The following ITGA9 variants were observed in gnomAD, a reference collection of about 807,000 sequenced individuals.
The protein encoded by ITGA9 is integrin alpha-9.
Under a neutral mutation model 127.8 loss-of-function variants are expected in ITGA9, and 56 were observed. That is an observed-to-expected ratio of 0.44 (90% CI 0.35 to 0.55). The LOEUF is 0.55. Among genes scored for constraint, ITGA9 ranks in the 20% least tolerant of loss-of-function variants. The pLI is 0.00. For missense variants in ITGA9, 1,196 were observed against 1,347.1 expected, an observed-to-expected ratio of 0.89 and a Z score of 1.76; for synonymous variants, 508 against 514.5, an observed-to-expected ratio of 0.99 and a Z score of 0.17.
chr3:37,704,516 A>G (rs1203159031), intron 18 of ITGA9, among the ~76,000 whole-genome samples: 3 of 152,234 alleles, frequency 2.0e-5, no homozygotes, highest in African/African-American at 7.2e-5. Flanking sequence ...CCCGTTGAGC[A>G]CTGAACGACT....
chr3:37,797,085 T>C (rs1267810028), intron 26 of ITGA9, among the ~76,000 whole-genome samples: 3 of 152,014 alleles, frequency 2.0e-5, no homozygotes, highest in African/African-American at 4.8e-5. Flanking sequence ...TGCAGAACTT[T>C]GGGAGGCTGA....
chr3:37,701,393 C>G (rs1196491363), intron 18 of ITGA9, among the ~76,000 whole-genome samples: 1 of 152,116 alleles, frequency 6.6e-6, no homozygotes, highest in East Asian at 1.9e-4. Flanking sequence ...GGAAGTGAGA[C>G]AGAGAAAAGA....
chr3:37,452,675 T>C lies in ITGA9; in HGVS notation c.185+116T>C. On this transcript the variant is annotated intron_variant, in intron 1 of 27. Transcript: ENST00000264741. The surrounding 1 kb of genome is among the most constrained non-coding windows in gnomAD (Gnocchi z 7.3). Reference sequence around the variant, plus strand: ...CACGCCGCCGTCCCGAGGGGGCGATTTAAATGTCTCCGTTGCGCGCGGCTC... The same window carrying C: ...CACGCCGCCGTCCCGAGGGGGCGATCTAAATGTCTCCGTTGCGCGCGGCTC... The C allele has an allele frequency of 1.1e-6, 1 of 926,122 alleles. No homozygotes were observed. Among genetic ancestry groups the C allele is most frequent in the Non-Finnish European group, 1.5e-6 (1 of 676,840 alleles). The allele number at this position is 926,122 out of a possible 1,614,324, so 57.4% of individuals were successfully genotyped here.
chr3:37,502,168 C>G (rs1178553656), intron 5 of ITGA9, among the ~76,000 whole-genome samples: 1 of 151,174 alleles, frequency 6.6e-6, no homozygotes, highest in Non-Finnish European at 1.5e-5. Context: ...CCATTTCCCC[C>G]TGATCTAAAT....
intron 23 of ITGA9, among the ~76,000 whole-genome samples, chr3:37,769,695 T>C (rs1291688073): frequency 6.6e-6 from 1 of 152,216 alleles, no homozygotes; most frequent in African/African-American, 2.4e-5. Context: ...CTGGAATTCC[T>C]TTCTCCCTCC....
chr3:37,546,579 G>A (rs965542461), intron 15 of ITGA9, among the ~76,000 whole-genome samples: 7 of 152,222 alleles, frequency 4.6e-5, no homozygotes, highest in Non-Finnish European at 1.0e-4. Context: ...TACTGTCCTA[G>A]GCCCTGGGGA....
At chr3:37,670,681 C>T (rs1419841755) in intron 17 of ITGA9, among the ~76,000 whole-genome samples, 2 of 152,150 alleles carry the variant, frequency 1.3e-5, no homozygotes. Context: ...TTAGATTTAC[C>T]TCCAGATCTT....
At position 37,473,313 on chromosome 3, in the gene ITGA9, C is replaced by T. The variant is rs779731747; in HGVS notation, c.314-41C>T. ...CCTTTGAAAGCAGCCAGCAGAACAT[C>T]ACTCCTCAACCCAAGTCTGGCTCTT... On this transcript the variant is annotated intron_variant, in intron 2 of 27. Coordinates refer to ENST00000264741, the MANE Select transcript of ITGA9 (RefSeq NM_002207.3). The T allele has an allele frequency of 5.9e-6, 9 of 1,521,866 alleles. No homozygotes were observed. The Admixed American group carries it at 1.5e-4, about 25-fold the overall frequency. 94.3% of individuals were successfully genotyped at this position (1,521,866 alleles called of 1,614,324 possible).
Position 37,452,640 on chromosome 3 carries a change from C to A in ITGA9, c.185+81C>A. On this transcript the variant is annotated intron_variant, in intron 1 of 27. Transcript: ENST00000264741. The surrounding 1 kb of genome is among the most constrained non-coding windows in gnomAD (Gnocchi z 7.3). ...CAGGCCAGCGCCGCCGCCGCCTTTC[C>A]GGTCTCTTCCACGCCGCCGTCCCGA... The A allele has an allele frequency of 8.0e-7, 1 of 1,247,546 alleles. No individual in the cohort carries two copies. 77.3% of individuals were successfully genotyped at this position (1,247,546 alleles called of 1,614,324 possible). A position where few individuals can be genotyped will look rare whatever the true frequency, so the allele number is the denominator to read the frequency against.
chr3:37,578,942 G>A (rs545412769), intron 15 of ITGA9, among the ~76,000 whole-genome samples: 12 of 152,172 alleles, frequency 7.9e-5, no homozygotes, highest in African/African-American at 2.9e-4. Context: ...AGGGAGAAGA[G>A]GAAGAAGCCA....
intron 15 of ITGA9, among the ~76,000 whole-genome samples, chr3:37,607,854 G>T (rs541663445): frequency 2.1e-4 from 32 of 152,248 alleles, no homozygotes; most frequent in Middle Eastern, 6.8e-3. Context: ...TGATAGATGT[G>T]GTCCTGCAAA....
At chr3:37,564,142 G>T (rs9862843) in intron 15 of ITGA9, among the ~76,000 whole-genome samples, 1 of 152,280 alleles carries the variant, frequency 6.6e-6, no homozygotes, top group African/African-American at 2.4e-5. Flanking sequence ...AAATGTACTT[G>T]ACCACGGAAC....
At chr3:37,748,240 G>A in intron 22 of ITGA9, 1 of 480,168 alleles carries the variant, frequency 2.1e-6, no homozygotes, top group South Asian at 1.7e-5. Flanking sequence ...AGACATCAAG[G>A]GAATGGGTAC....
chr3:37,507,748 C>T (rs1007130624), intron 7 of ITGA9, among the ~76,000 whole-genome samples: 1 of 152,228 alleles, frequency 6.6e-6, no homozygotes, highest in East Asian at 1.9e-4. Context: ...CCCAAGGACC[C>T]CTGGCCTTCA....
intron 16 of ITGA9, among the ~76,000 whole-genome samples, chr3:37,653,166 C>T (rs1215092047): frequency 6.6e-6 from 1 of 152,228 alleles, no homozygotes; most frequent in Non-Finnish European, 1.5e-5. Flanking sequence ...GAAAGAATCT[C>T]CCCCAGTCTG....
At chr3:37,502,624 T>C (rs1258248841) in intron 5 of ITGA9, among the ~76,000 whole-genome samples, 1 of 152,178 alleles carries the variant, frequency 6.6e-6, no homozygotes, top group Admixed American at 6.5e-5. Context: ...TGTTCTTCCA[T>C]GTTTGCAGTG....
At chr3:37,473,909 A>G (rs1362709439) in intron 3 of ITGA9, among the ~76,000 whole-genome samples, 1 of 152,206 alleles carries the variant, frequency 6.6e-6, no homozygotes, top group Non-Finnish European at 1.5e-5. Flanking sequence ...GACAAACCAC[A>G]GCTGTGATTT....
At chr3:37,608,621 A>G (rs1473672914) in intron 15 of ITGA9, among the ~76,000 whole-genome samples, 11 of 152,210 alleles carry the variant, frequency 7.2e-5, no homozygotes, top group African/African-American at 2.4e-4. Flanking sequence ...CTCAGTACAA[A>G]TCGTGCTGTG....
At chr3:37,645,585 A>G (rs1021044803) in intron 16 of ITGA9, among the ~76,000 whole-genome samples, 1 of 152,124 alleles carries the variant, frequency 6.6e-6, no homozygotes, top group African/African-American at 2.4e-5. Flanking sequence ...CATTGATCAA[A>G]TCAGCTTAAA....
Sources: allele counts gnomAD v4.1 joint callset (sites outside exome capture counted in the v4.1 genomes callset), GRCh38; gene constraint gnomAD v4.1.1; non-coding constraint Gnocchi (gnomAD v3.1); transcripts MANE v1.5; gene names NCBI Gene and HGNC (gene_info 2026-07-23, HGNC 2026-07-21).